MYO16: variants seen among roughly 807,000 people sequenced by gnomAD.
The protein encoded by MYO16 is unconventional myosin-XVI.
Under a neutral mutation model 205.3 loss-of-function variants are expected in MYO16, and 94 were observed. That is an observed-to-expected ratio of 0.46 (90% CI 0.39 to 0.54). The LOEUF is 0.54. MYO16 is among the 20% of genes least tolerant of loss of function. The pLI is 0.00. For missense variants in MYO16, 2,315 were observed against 2,387.5 expected (o/e 0.97, Z 0.63); for synonymous variants, 988 against 954.0 (o/e 1.04, Z -0.66).
intron 16 of MYO16, among the ~76,000 whole-genome samples, chr13:108,939,494 T>A (rs1447253371): frequency 1.3e-5 from 2 of 152,228 alleles, no homozygotes; most frequent in Non-Finnish European, 2.9e-5. Context: ...AGATTCCTGT[T>A]TTCCTTACTG....
chr13:109,065,092 C>T (rs1250473305), intron 27 of MYO16, among the ~76,000 whole-genome samples: 3 of 152,202 alleles, frequency 2.0e-5, no homozygotes, highest in Non-Finnish European at 2.9e-5. Context: ...CCCTTCACTC[C>T]TATGCCTGGT....
chr13:108,769,677 A>G (rs552009297), intron 4 of MYO16, among the ~76,000 whole-genome samples: 1 of 152,196 alleles, frequency 6.6e-6, no homozygotes, highest in South Asian at 2.1e-4. Flanking sequence ...GGAATAACAG[A>G]TTAGAAAGAC....
At chr13:108,899,947 C>CAT (rs1880626750) in intron 15 of MYO16, among the ~76,000 whole-genome samples, 1 of 152,164 alleles carries the variant, frequency 6.6e-6, no homozygotes, top group African/African-American at 2.4e-5. Context: ...ATTCATGGGA[C>CAT]GTGAGTGTCT....
intron 16 of MYO16, among the ~76,000 whole-genome samples, chr13:108,930,021 A>G (rs1882185192): frequency 1.3e-5 from 2 of 152,240 alleles, no homozygotes; most frequent in African/African-American, 4.8e-5. Context: ...TGCATGCACT[A>G]TAAATAACAT....
intron 12 of MYO16, among the ~76,000 whole-genome samples, chr13:108,874,071 G>C (rs1182585380): frequency 6.6e-6 from 1 of 152,154 alleles, no homozygotes; most frequent in Non-Finnish European, 1.5e-5. Context: ...ACATGCTAGA[G>C]ACAAAACACA....
intron 14 of MYO16, among the ~76,000 whole-genome samples, chr13:108,892,240 A>G (rs1468621362): frequency 6.6e-6 from 1 of 152,172 alleles, no homozygotes; most frequent in Admixed American, 6.5e-5. Flanking sequence ...TAATTCTACA[A>G]CAAGCTCAAA....
At chr13:109,138,860 C>T (rs1357751461) in intron 31 of MYO16, among the ~76,000 whole-genome samples, 1 of 152,030 alleles carries the variant, frequency 6.6e-6, no homozygotes, top group Non-Finnish European at 1.5e-5. Context: ...ACTCTGTCGC[C>T]AGGCTGGAGT....
chr13:109,114,737 C>T (rs9587776), intron 28 of MYO16, among the ~76,000 whole-genome samples: 31,493 of 152,162 alleles, frequency 0.21, 3,438 homozygotes, highest in Admixed American at 0.24. Flanking sequence ...TTTTAATTGA[C>T]GTGTCCTTCT....
chr13:108,537,578 G>A, the MYO16 span, among the ~76,000 whole-genome samples: 1 of 152,114 alleles, frequency 6.6e-6, no homozygotes, highest in Non-Finnish European at 1.5e-5. Context: ...TCTCCATACT[G>A]TTTTCCATAG....
chr13:109,199,122 A>T (rs950014965), intron 34 of MYO16, among the ~76,000 whole-genome samples: 3 of 147,592 alleles, frequency 2.0e-5, no homozygotes, highest in Non-Finnish European at 4.5e-5. Context: ...AAGGTTAATT[A>T]ACTTGTGAAG....
At chr13:109,147,171 T>C (rs1221269149) in intron 32 of MYO16, among the ~76,000 whole-genome samples, 1 of 148,302 alleles carries the variant, frequency 6.7e-6, no homozygotes, top group Non-Finnish European at 1.5e-5. Flanking sequence ...CCCCTTCTAC[T>C]ACAGAAAAAA....
intron 7 of MYO16, among the ~76,000 whole-genome samples, chr13:108,807,963 G>T (rs1032631127): frequency 1.3e-5 from 2 of 152,168 alleles, no homozygotes; most frequent in African/African-American, 4.8e-5. Flanking sequence ...CTATTGTAAA[G>T]TGTCTATTGC....
chr13:108,917,917 C>T (rs1044420850), intron 16 of MYO16, among the ~76,000 whole-genome samples: 4 of 152,232 alleles, frequency 2.6e-5, no homozygotes, highest in South Asian at 2.1e-4. Context: ...TCTTTGTCTA[C>T]TCATGATAAT....
rs377753478 is a variant in MYO16, at chr13:109,006,380, T to C, written c.2443-2517T>C. On this transcript the variant is annotated intron_variant, in intron 21 of 34. Transcript: ENST00000457511. Reference sequence around the variant, plus strand: ...TCAGCCTCCTGAGTAGCTAGGACTATAGGCACCCACCACCACACCAGGATA... The same window carrying C: ...TCAGCCTCCTGAGTAGCTAGGACTACAGGCACCCACCACCACACCAGGATA... Among the ~76,000 whole-genome samples the C allele has an allele frequency of 1.7e-3, 253 of 152,106 alleles. 9 individuals carry two copies. In the South Asian group the frequency reaches 0.05, roughly 30 times the overall value.
intron 7 of MYO16, among the ~76,000 whole-genome samples, 175 bp downstream of exon 7, chr13:108,806,979 G>A (rs1223623418): frequency 6.6e-6 from 1 of 152,142 alleles, no homozygotes; most frequent in Non-Finnish European, 1.5e-5. Flanking sequence ...GCTTATACAA[G>A]AGCACATGTT....
chr13:108,768,426 C>T (rs1885852536), intron 4 of MYO16, among the ~76,000 whole-genome samples: 2 of 152,136 alleles, frequency 1.3e-5, no homozygotes, highest in South Asian at 4.1e-4. Flanking sequence ...TGCATTTCTT[C>T]TAGAATGGCA....
chr13:108,896,658 C>T (rs1880425819), intron 14 of MYO16, among the ~76,000 whole-genome samples: 1 of 152,060 alleles, frequency 6.6e-6, no homozygotes, highest in South Asian at 2.1e-4. Flanking sequence ...TAGCAGATGC[C>T]AGGAAATTTA....
intron 6 of MYO16, among the ~76,000 whole-genome samples, chr13:108,799,882 G>A (rs1040087279): frequency 2.6e-5 from 4 of 152,184 alleles, no homozygotes; most frequent in African/African-American, 9.7e-5. Context: ...AAGAAGGGAG[G>A]AGGGAGCAGA....
In MYO16 at chr13:109,013,611, G is replaced by A. The variant is rs113848584; in HGVS notation, c.2595+4562G>A. On this transcript the variant is annotated intron_variant, in intron 22 of 34. Coordinates refer to ENST00000457511, the MANE Select transcript of MYO16 (RefSeq NM_001198950.3). ...TGCAAAAGCATTCCTATTTCTCCACGTCCTCTCCAGCACCTGTTGTTTCCT... is the reference window on the plus strand; with the variant it reads ...TGCAAAAGCATTCCTATTTCTCCACATCCTCTCCAGCACCTGTTGTTTCCT... Among the ~76,000 whole-genome samples the A allele has an allele frequency of 2.0e-4, 30 of 152,136 alleles. No homozygotes were observed. The South Asian group carries it at 4.6e-3, about 23-fold the overall frequency.
Sources: allele counts gnomAD v4.1 joint callset (sites outside exome capture counted in the v4.1 genomes callset), GRCh38; gene constraint gnomAD v4.1.1; transcripts MANE v1.5; gene names NCBI Gene and HGNC (gene_info 2026-07-23, HGNC 2026-07-21).